The following STXBP4 variants were observed in gnomAD, a reference collection of about 807,000 sequenced individuals.
STXBP4 encodes syntaxin binding protein 4.
A neutral mutation model predicts 76.1 loss-of-function variants in STXBP4; 55 were observed. That is an observed-to-expected ratio of 0.72 (90% confidence interval 0.58 to 0.91). The LOEUF is 0.91. STXBP4 is among the 40% of genes least tolerant of loss of function. STXBP4 has a pLI of 0.00. For synonymous variants in STXBP4, 201 were observed against 220.2 expected, an observed-to-expected ratio of 0.91 and a Z score of 0.77; for missense variants, 618 against 636.9, an observed-to-expected ratio of 0.97 and a Z score of 0.32.
chr17:55,109,054 C>T (rs1320226430), intron 16 of STXBP4, among the ~76,000 whole-genome samples: 2 of 151,962 alleles, frequency 1.3e-5, no homozygotes, highest in African/African-American at 4.8e-5. Flanking sequence ...TTAATCTAAA[C>T]TAATGCAAAT....
In STXBP4 at chr17:55,150,887, A is replaced by C. The variant is rs56301162; in HGVS notation, c.1548-8910A>C. On this transcript the variant is annotated intron_variant, in intron 17 of 17. Coordinates refer to ENST00000376352, the MANE Select transcript of STXBP4 (RefSeq NM_178509.6). ...GTAGAATTAAGGTTGCTAATCAACTAACCTTAAAATAGGGAGCTAATTCTG... is the reference window on the plus strand; with the variant it reads ...GTAGAATTAAGGTTGCTAATCAACTCACCTTAAAATAGGGAGCTAATTCTG... Among the ~76,000 whole-genome samples the C allele has an allele frequency of 4.6e-5, 7 of 152,164 alleles. 1 individual carries two copies. The highest frequency in any genetic ancestry group is 1.7e-4 in the African/African-American group (7 of 41,524).
intron 11 of STXBP4, among the ~76,000 whole-genome samples, chr17:55,046,384 A>G (rs777592228): frequency 2.0e-5 from 3 of 151,970 alleles, no homozygotes; most frequent in Non-Finnish European, 4.4e-5. Flanking sequence ...ATTGCCATGA[A>G]TCTTTACCAC....
At chr17:55,045,431 G>C (rs1366766161) in intron 11 of STXBP4, among the ~76,000 whole-genome samples, 1 of 151,720 alleles carries the variant, frequency 6.6e-6, no homozygotes, top group African/African-American at 2.4e-5. Flanking sequence ...TTAGACTTGT[G>C]GTTTATCAGA....
the STXBP4 span, among the ~76,000 whole-genome samples, chr17:55,193,852 G>A: frequency 1.4e-5 from 2 of 145,208 alleles, no homozygotes; most frequent in South Asian, 2.2e-4. Flanking sequence ...AATTCCTACA[G>A]CAAGGTGTCC....
At chr17:55,078,283 G>A in intron 14 of STXBP4, 89 bp downstream of exon 14, 1 of 838,646 alleles carries the variant, frequency 1.2e-6, no homozygotes, top group Non-Finnish European at 1.9e-6. Flanking sequence ...GGTACCTAGT[G>A]AAACATTCTC....
intron 12 of STXBP4, among the ~76,000 whole-genome samples, chr17:55,053,689 T>TTTTTTTTTATTTTAA (rs2078889701): frequency 6.6e-6 from 1 of 152,186 alleles, no homozygotes; most frequent in African/African-American, 2.4e-5. Context: ...ATTAAATATT[T>TTTTTTTTTATTTTAA]TTGTACTTTA....
At chr17:55,054,509 A>G (rs750667239) in intron 12 of STXBP4, among the ~76,000 whole-genome samples, 2 of 152,112 alleles carry the variant, frequency 1.3e-5, no homozygotes, top group Non-Finnish European at 2.9e-5. Context: ...AAACAAAAAC[A>G]CAGTGAATTG....
At chr17:55,119,310 T>A (rs1598329204) in intron 16 of STXBP4, among the ~76,000 whole-genome samples, 1 of 152,256 alleles carries the variant, frequency 6.6e-6, no homozygotes, top group Non-Finnish European at 1.5e-5. Context: ...GAAAAAGTTG[T>A]TTCTACAAAA....
the STXBP4 span, among the ~76,000 whole-genome samples, chr17:55,197,742 C>CA: frequency 0.11 from 13,906 of 125,078 alleles, 741 homozygotes; most frequent in South Asian, 0.23. Context: ...GACTCAGTCT[C>CA]AAAAAAAAAA....
At chr17:55,140,915 A>G (rs2080087726) in intron 16 of STXBP4, among the ~76,000 whole-genome samples, 1 of 152,166 alleles carries the variant, frequency 6.6e-6, no homozygotes, top group South Asian at 2.1e-4. Context: ...TGAGTGAAAG[A>G]ATGTAAAGGG....
intron 8 of STXBP4, among the ~76,000 whole-genome samples, chr17:55,018,499 C>T (rs866498524): frequency 1.5e-4 from 23 of 152,226 alleles, no homozygotes; most frequent in Middle Eastern, 3.4e-3. Flanking sequence ...GAGGGTAGTC[C>T]GAGTTTGTTT....
chr17:55,081,328 G>A (rs2079252577), intron 16 of STXBP4, 145 bp downstream of exon 16: 3 of 559,656 alleles, frequency 5.4e-6, no homozygotes, highest in Non-Finnish European at 8.3e-6. Context: ...CCAATCATAG[G>A]AGGAGAATAT....
At chr17:55,064,842 A>G (rs536838250) in intron 12 of STXBP4, among the ~76,000 whole-genome samples, 13 of 152,078 alleles carry the variant, frequency 8.5e-5, no homozygotes, top group African/African-American at 3.1e-4. Flanking sequence ...CTTTGTCTTT[A>G]TGATTTTTCG....
intron 8 of STXBP4, among the ~76,000 whole-genome samples, chr17:55,025,461 TG>T (rs1396008376): frequency 3.3e-5 from 5 of 152,156 alleles, no homozygotes; most frequent in Non-Finnish European, 7.4e-5. Flanking sequence ...TATAATACCA[TG>T]TTAATAAAAT....
intron 16 of STXBP4, among the ~76,000 whole-genome samples, chr17:55,088,385 C>T (rs144430720): frequency 1.2e-4 from 18 of 152,266 alleles, no homozygotes; most frequent in African/African-American, 4.3e-4. Flanking sequence ...TTTATTGGCT[C>T]TTACAGCTTA....
chr17:55,153,455 A>T (rs954645286), intron 17 of STXBP4, among the ~76,000 whole-genome samples: 1 of 152,234 alleles, frequency 6.6e-6, no homozygotes, highest in African/African-American at 2.4e-5. Context: ...TGTGATTTTT[A>T]CAAATCATTC....
At chr17:55,077,686 C>CGTGTGTGTGTGT (rs10690646) in intron 13 of STXBP4, among the ~76,000 whole-genome samples, 108 of 134,084 alleles carry the variant, frequency 8.1e-4, no homozygotes, top group Non-Finnish European at 1.1e-3. Context: ...TGTCTTACAT[C>CGTGTGTGTGTGT]GTGTGTGTGT....
the STXBP4 span, among the ~76,000 whole-genome samples, chr17:55,211,884 C>T: frequency 3.0e-5 from 4 of 132,716 alleles, no homozygotes; most frequent in Admixed American, 9.1e-5. Context: ...GATCTTGGCT[C>T]GCTGCAACCT....
intron 17 of STXBP4, among the ~76,000 whole-genome samples, chr17:55,147,427 C>A (rs962468479): frequency 3.9e-5 from 6 of 152,196 alleles, no homozygotes; most frequent in Non-Finnish European, 7.4e-5. Context: ...TCCTGCTGTG[C>A]AGCTGAGCTC....
Sources: gnomAD v4.1 joint callset for allele counts (sites outside exome capture counted in the v4.1 genomes callset) on GRCh38, gnomAD v4.1.1 for gene constraint, MANE v1.5 for transcripts, NCBI Gene and HGNC (gene_info 2026-07-23, HGNC 2026-07-21) for gene names.